BANK1: variants seen among roughly 807,000 people sequenced by gnomAD.
BANK1 encodes the protein B-cell scaffold protein with ankyrin repeats.
In BANK1, 95 loss-of-function variants were observed where a neutral mutation model predicts 94.5. That is an observed-to-expected ratio of 1.00 (90% CI 0.85 to 1.19). The LOEUF (loss-of-function observed/expected upper bound fraction) is 1.19, where lower values mean the gene tolerates loss of function less well. Ranked by LOEUF, BANK1 falls within the 50% of genes most tolerant of loss-of-function variation. BANK1 has a pLI of 0.00. For missense variants in BANK1, 987 were observed against 932.2 expected, an observed-to-expected ratio of 1.06 and a Z score of -0.77; for synonymous variants, 334 against 308.4, an observed-to-expected ratio of 1.08 and a Z score of -0.87.
intron 4 of BANK1, among the ~76,000 whole-genome samples, chr4:101,863,653 C>G (rs1727964005): frequency 6.6e-6 from 1 of 152,116 alleles, no homozygotes; most frequent in African/African-American, 2.4e-5. Context: ...AAACTCCATA[C>G]TAAACATTTA....
intron 11 of BANK1, among the ~76,000 whole-genome samples, chr4:102,045,933 A>C (rs2148957352): frequency 6.6e-6 from 1 of 151,018 alleles, no homozygotes; most frequent in East Asian, 1.9e-4. Flanking sequence ...ACAGAATTGG[A>C]AAAAACTACT....
intron 1 of BANK1, among the ~76,000 whole-genome samples, chr4:101,826,087 T>C (rs1223554973): frequency 6.6e-6 from 1 of 152,098 alleles, no homozygotes; most frequent in Admixed American, 6.5e-5. Flanking sequence ...ATTCTGTAAA[T>C]TCTTCATAGA....
chr4:101,856,000 A>G (rs1229170556), intron 3 of BANK1, among the ~76,000 whole-genome samples: 1 of 152,144 alleles, frequency 6.6e-6, no homozygotes, highest in Non-Finnish European at 1.5e-5. Flanking sequence ...GCTGGGCCTC[A>G]GTTTGTGGCA....
At chr4:101,937,946 G>A (rs1723624909) in intron 7 of BANK1, among the ~76,000 whole-genome samples, 2 of 151,856 alleles carry the variant, frequency 1.3e-5, no homozygotes, top group South Asian at 4.2e-4. Flanking sequence ...GCAGGGACAT[G>A]GATGAAGCTG....
chr4:102,021,704 G>A (rs751001377), intron 8 of BANK1, 112 bp downstream of exon 8: 9 of 400,150 alleles, frequency 2.2e-5, no homozygotes, highest in Admixed American at 4.7e-5. Flanking sequence ...AATGTGGCAC[G>A]GTATTTAATT....
intron 4 of BANK1, among the ~76,000 whole-genome samples, chr4:101,866,283 A>G (rs1383824187): frequency 6.6e-6 from 1 of 152,194 alleles, no homozygotes; most frequent in Non-Finnish European, 1.5e-5. Flanking sequence ...AAGACAGGTC[A>G]ATGAAAACTT....
chr4:101,908,603 A>G (rs529078044), intron 6 of BANK1, among the ~76,000 whole-genome samples: 59 of 152,206 alleles, frequency 3.9e-4, no homozygotes, highest in Non-Finnish European at 8.1e-4. Context: ...AGAAACTACC[A>G]TCAGAGTGAA....
At chr4:102,006,810 A>G (rs1453582557) in intron 7 of BANK1, among the ~76,000 whole-genome samples, 1 of 151,150 alleles carries the variant, frequency 6.6e-6, no homozygotes, top group Admixed American at 6.6e-5. Context: ...CCTGGCCCAC[A>G]CTTGTTTAGC....
chr4:101,858,899 A>G lies in BANK1; in HGVS notation c.625-3627A>G, dbSNP rs541708699. Among the ~76,000 whole-genome samples the G allele has an allele frequency of 1.3e-4, 20 of 152,316 alleles. No homozygotes were observed. The Middle Eastern group carries it at 0.01, about 78-fold the overall frequency. On this transcript the variant is annotated intron_variant, in intron 3 of 16. Transcript: ENST00000322953. ...ACACTTCTAAGGCTAAAACCCTAAT[A>G]TGAGTCTTCAGCCCTTCGACAGACC...
chr4:102,039,100 T>TA (rs1464613956), intron 10 of BANK1, among the ~76,000 whole-genome samples: 1 of 152,022 alleles, frequency 6.6e-6, no homozygotes, highest in Non-Finnish European at 1.5e-5. Context: ...AGATTCTTCT[T>TA]AAAAAAATAA....
chr4:101,839,936 AATTTTTTTTTTTTTTTTTTTTTTTT>A (rs1432979685), intron 2 of BANK1, among the ~76,000 whole-genome samples: 1 of 78,948 alleles, frequency 1.3e-5, no homozygotes, highest in African/African-American at 4.6e-5. Context: ...TCAAATATTT[AATTTTTTTTTTTTTTTTTTTTTTTT>A]TTTTTTTTTT....
chr4:101,975,508 C>G (rs1725093306), intron 7 of BANK1, among the ~76,000 whole-genome samples: 1 of 152,164 alleles, frequency 6.6e-6, no homozygotes, highest in African/African-American at 2.4e-5. Flanking sequence ...CAAAACTTTG[C>G]TCTGCCTCTT....
chr4:101,829,717 T>C (rs1578341781), intron 1 of BANK1, 91 bp from the exon 2 acceptor site: 5 of 727,118 alleles, frequency 6.9e-6, no homozygotes, highest in Non-Finnish European at 1.0e-5. Flanking sequence ...ATTAATATAT[T>C]GCCTAGTGAG....
intron 7 of BANK1, among the ~76,000 whole-genome samples, chr4:102,011,240 T>C (rs1440120244): frequency 1.3e-5 from 2 of 152,252 alleles, no homozygotes; most frequent in Non-Finnish European, 2.9e-5. Flanking sequence ...CAAAGTTTGC[T>C]TAAGGCATTC....
chr4:101,941,964 T>A (rs1361994365), intron 7 of BANK1, among the ~76,000 whole-genome samples: 1 of 151,770 alleles, frequency 6.6e-6, no homozygotes, highest in African/African-American at 2.4e-5. Flanking sequence ...AATAGAACAG[T>A]AGAGCACATT....
At chr4:102,053,035 C>T (rs1728103474) in intron 11 of BANK1, among the ~76,000 whole-genome samples, 1 of 152,092 alleles carries the variant, frequency 6.6e-6, no homozygotes. Context: ...CCACATTGGT[C>T]ACAACAAAAG....
intron 7 of BANK1, among the ~76,000 whole-genome samples, chr4:101,941,526 T>C (rs888337145): frequency 6.6e-6 from 1 of 151,814 alleles, no homozygotes; most frequent in African/African-American, 2.4e-5. Flanking sequence ...TCTTCTTATA[T>C]GAGTTATGTT....
intron 7 of BANK1, 103 bp from the exon 8 acceptor site, chr4:102,021,411 T>A (rs377388370): frequency 3.2e-5 from 14 of 433,788 alleles, no homozygotes; most frequent in African/African-American, 8.3e-5. Context: ...AGATCTGTAA[T>A]ATAATATTTA....
chr4:102,022,318 G>T (rs1726941996), intron 8 of BANK1, among the ~76,000 whole-genome samples: 1 of 152,004 alleles, frequency 6.6e-6, no homozygotes, highest in South Asian at 2.1e-4. Flanking sequence ...CTTTGTTCAA[G>T]TCAGTTAAAA....
Sources: allele counts gnomAD v4.1 joint callset (sites outside exome capture counted in the v4.1 genomes callset), GRCh38; gene constraint gnomAD v4.1.1; transcripts MANE v1.5; gene names NCBI Gene and HGNC (gene_info 2026-07-23, HGNC 2026-07-21).